Variants in TBL1XR1 observed in about 807,000 individuals in gnomAD.
TBL1XR1 encodes TBL1X/Y related 1.
In TBL1XR1, 5 loss-of-function variants were observed where a neutral mutation model predicts 66.9. The observed-to-expected ratio is 0.07, with a 90% CI of 0.04 to 0.16. The LOEUF is 0.16. Ranked by LOEUF, TBL1XR1 falls within the 10% of genes least tolerant of loss-of-function variation. The pLI, the probability that TBL1XR1 is intolerant of heterozygous loss-of-function variation, is 1.00. For synonymous variants in TBL1XR1, 210 were observed against 206.0 expected (o/e 1.02, Z -0.17); for missense variants, 238 against 623.2 (o/e 0.38, Z 6.58).
chr3:177,118,598 G>A (rs888983685), intron 1 of TBL1XR1, among the ~76,000 whole-genome samples: 2 of 152,224 alleles, frequency 1.3e-5, no homozygotes, highest in East Asian at 3.8e-4. Flanking sequence ...CCTTCTTTAT[G>A]AGGCTTAGTT....
chr3:177,113,302 C>T (rs1725887890), intron 1 of TBL1XR1, among the ~76,000 whole-genome samples: 1 of 152,118 alleles, frequency 6.6e-6, no homozygotes, highest in South Asian at 2.1e-4. Flanking sequence ...TTCCTGACAG[C>T]AATCTGGGCA....
rs1577319831 is a variant in TBL1XR1 at position 177,150,973 on chromosome 3, A to C, written c.-122+46148T>G. On this transcript the variant is annotated intron_variant, in intron 1 of 15. Coordinates refer to ENST00000457928, the MANE Select transcript of TBL1XR1 (RefSeq NM_024665.7). The stretch of plus-strand genomic sequence containing the variant: ...AAAACTTAAAACATTCTTTCTTACA[A>C]ATAAGGTTATAACTATACATAATAT... Among the ~76,000 whole-genome samples, 4 of 152,374 alleles carry C rather than the reference A, an allele frequency of 2.6e-5. No homozygotes were observed. The South Asian group carries it at 8.3e-4, about 32-fold the overall frequency.
chr3:177,087,759 T>TG (rs574052322), intron 2 of TBL1XR1, among the ~76,000 whole-genome samples: 14 of 151,942 alleles, frequency 9.2e-5, no homozygotes, highest in African/African-American at 2.7e-4. Flanking sequence ...GAAAAAAGAA[T>TG]GGGGGGCGGG....
chr3:177,089,021 T>C (rs1196453954), intron 2 of TBL1XR1, among the ~76,000 whole-genome samples: 1 of 152,226 alleles, frequency 6.6e-6, no homozygotes, highest in Non-Finnish European at 1.5e-5. Context: ...CCACACTCTT[T>C]CTCGGCAGCG....
At chr3:177,116,801 G>A (rs761679237) in intron 1 of TBL1XR1, among the ~76,000 whole-genome samples, 11 of 152,166 alleles carry the variant, frequency 7.2e-5, no homozygotes, top group East Asian at 1.9e-4. Context: ...TATCAAGCAC[G>A]TAATAGTACC....
At chr3:177,034,082 G>GAAAAA in intron 13 of TBL1XR1, 116 bp downstream of exon 13, 2 of 926,638 alleles carry the variant, frequency 2.2e-6, no homozygotes, top group South Asian at 1.8e-5. Flanking sequence ...ACTGAAATTG[G>GAAAAA]AAAAAAAAAA....
At chr3:177,033,172 A>G in intron 13 of TBL1XR1, 36 bp from the exon 14 acceptor site, 4 of 1,485,480 alleles carry the variant, frequency 2.7e-6, no homozygotes, top group Non-Finnish European at 3.6e-6. Flanking sequence ...ATTTATAAGT[A>G]AGGAAATACT....
At chr3:177,149,628 T>G (rs552180028) in intron 1 of TBL1XR1, among the ~76,000 whole-genome samples, 1 of 151,948 alleles carries the variant, frequency 6.6e-6, no homozygotes, top group African/African-American at 2.4e-5. Context: ...GAAACAGGAG[T>G]TGACAAATGA....
rs148659524 is a variant in TBL1XR1 at position 177,024,713 on chromosome 3, G to GAAAAAAAA, written c.*777_*784dup. ...AGCCACATCACCAAAAAACAAAAAA[G>GAAAAAAAA]AAAAAAAAAAAAAAAAAGCAAAACA... On this transcript the variant is annotated 3_prime_UTR_variant, in exon 16 of 16. Transcript: ENST00000457928. The GAAAAAAAA allele has an allele frequency of 7.0e-5, 6 of 85,384 alleles. No individual in the cohort carries two copies. Among genetic ancestry groups the GAAAAAAAA allele is most frequent in the Admixed American group, 1.3e-4 (1 of 7,894 alleles). The allele number at this position is 85,384 out of a possible 1,614,324, so 5.3% of individuals were successfully genotyped here.
intron 3 of TBL1XR1, among the ~76,000 whole-genome samples, 155 bp from the exon 4 acceptor site, chr3:177,054,073 T>TGTGTGTGTGCGC (rs145838308): frequency 5.0e-4 from 62 of 124,912 alleles, no homozygotes; most frequent in African/African-American, 1.7e-3. Context: ...TGTGTGTGTG[T>TGTGTGTGTGCGC]GCGCGCGCGT....
In TBL1XR1 at chr3:177,106,560, G is replaced by A. The variant is rs1347344809; in HGVS notation, c.-121-8019C>T. On this transcript the variant is annotated intron_variant, in intron 1 of 15. Transcript: ENST00000457928. ...CCACACAGGTGGGTTTGGACTCCCTGGCTCTGACTCTTAGTAACTAGATAA... is the reference window on the plus strand; with the variant it reads ...CCACACAGGTGGGTTTGGACTCCCTAGCTCTGACTCTTAGTAACTAGATAA... 2.0e-5 allele frequency among the ~76,000 whole-genome samples: 3 copies of A among 152,180 alleles called. No individual in the cohort carries two copies. In the East Asian group the frequency reaches 5.8e-4, roughly 29 times the overall value.
intron 1 of TBL1XR1, among the ~76,000 whole-genome samples, chr3:177,186,659 C>G (rs1443788666): frequency 6.6e-6 from 1 of 152,082 alleles, no homozygotes; most frequent in Non-Finnish European, 1.5e-5. Flanking sequence ...ATTACTATAC[C>G]CCATCTGGCA....
chr3:177,050,395 A>G lies in TBL1XR1; in HGVS notation c.560+83T>C, dbSNP rs1716898902. ...AAAATGGCCACAACTAAGCAACAAC[A>G]GAAAACCTGAATAATGCATATGTTT... On this transcript the variant is annotated intron_variant, in intron 6 of 15. Transcript: ENST00000457928. The G allele has an allele frequency of 3.3e-6, 5 of 1,505,666 alleles. 1 individual carries two copies. The South Asian group carries it at 6.4e-5, about 19-fold the overall frequency. 93.3% of individuals were successfully genotyped at this position (1,505,666 alleles called of 1,614,324 possible).
chr3:177,192,320 T>G (rs375796249), intron 1 of TBL1XR1, among the ~76,000 whole-genome samples: 4 of 145,290 alleles, frequency 2.8e-5, no homozygotes, highest in African/African-American at 1.0e-4. Context: ...AGGCGCGAGG[T>G]TGCAGTAAGA....
Position 177,022,143 on chromosome 3 carries a change from T to C in TBL1XR1, c.*3355A>G, listed in dbSNP as rs1035942200. ...AAGTTTAAGGGAAAAAGGAGTGCTT[T>C]GTAAGTGAAAAAGTACAAATCTTTG... On this transcript the variant is annotated 3_prime_UTR_variant, in exon 16 of 16. Transcript: ENST00000457928. 6.6e-6 allele frequency: 1 copy of C among 152,598 alleles called. No individual in the cohort carries two copies. The highest frequency in any genetic ancestry group is 2.4e-5 in the African/African-American group (1 of 41,456). The allele number at this position is 152,598 out of a possible 1,614,324, so 9.5% of individuals were successfully genotyped here.
At chr3:177,105,142 C>A (rs1724714118) in intron 1 of TBL1XR1, among the ~76,000 whole-genome samples, 1 of 152,136 alleles carries the variant, frequency 6.6e-6, no homozygotes. Flanking sequence ...AAAAATGTAT[C>A]TATGATTTTA....
At chr3:177,131,041 G>A (rs931959119) in intron 1 of TBL1XR1, among the ~76,000 whole-genome samples, 1 of 151,892 alleles carries the variant, frequency 6.6e-6, no homozygotes, top group African/African-American at 2.4e-5. Context: ...CACGCAGTCA[G>A]TAGCACAATG....
chr3:177,058,186 C>A (rs1395432667), intron 3 of TBL1XR1, among the ~76,000 whole-genome samples: 1 of 152,128 alleles, frequency 6.6e-6, no homozygotes, highest in Non-Finnish European at 1.5e-5. Context: ...TAGTCTGAAA[C>A]GAAAATCTGA....
chr3:177,191,878 C>T (rs201071215), intron 1 of TBL1XR1, among the ~76,000 whole-genome samples: 9,641 of 151,458 alleles, frequency 0.064, 896 homozygotes, highest in East Asian at 0.49. Flanking sequence ...CCGAGACGGG[C>T]GGTCAGGAGT....
Sources: gnomAD v4.1 joint callset for allele counts (sites outside exome capture counted in the v4.1 genomes callset) on GRCh38, gnomAD v4.1.1 for gene constraint, MANE v1.5 for transcripts, NCBI Gene and HGNC (gene_info 2026-07-23, HGNC 2026-07-21) for gene names.